BRF1: variants seen among roughly 807,000 people sequenced by gnomAD.
BRF1 encodes BRF1 general transcription factor IIIB subunit, also known as transcription factor IIIB 90 kDa subunit.
In BRF1, 59 loss-of-function variants were observed where a neutral mutation model predicts 81.7. That is an observed-to-expected ratio of 0.72 (90% CI 0.59 to 0.90). BRF1 has a LOEUF of 0.90. BRF1 is among the 40% of genes least tolerant of loss of function. The probability of loss-of-function intolerance (pLI) is 0.00; values close to 1 mark genes in which losing one functional copy is unlikely to be tolerated. For missense variants in BRF1, 1,050 were observed against 936.3 expected (o/e 1.12, Z -1.58); for synonymous variants, 491 against 395.6 (o/e 1.24, Z -2.86).
intron 5 of BRF1, chr14:105,250,791 G>T: frequency 9.2e-7 from 1 of 1,084,332 alleles, no homozygotes; most frequent in Non-Finnish European, 1.3e-6. Flanking sequence ...CATGTAGTCA[G>T]CTGAAGCTTG....
At chr14:105,313,688 T>C (rs1230865011) in intron 1 of BRF1, among the ~76,000 whole-genome samples, 1 of 152,266 alleles carries the variant, frequency 6.6e-6, no homozygotes, top group Non-Finnish European at 1.5e-5. Flanking sequence ...GGGCTGGATT[T>C]GTTTCAGTAA....
chr14:105,260,281 A>T (rs1181104247), intron 3 of BRF1, among the ~76,000 whole-genome samples: 1 of 152,150 alleles, frequency 6.6e-6, no homozygotes, highest in Admixed American at 6.5e-5. Flanking sequence ...TGTGCCAAAA[A>T]ATAAGATGGT....
At position 105,228,852 on chromosome 14, in the gene BRF1, C is replaced by G. The variant is rs752509080; in HGVS notation, c.756G>C (p.Val252=). The change falls in exon 7 of 18, where the codon GTG becomes GTC. Residue 252 remains valine, a synonymous_variant. Transcript: ENST00000547530. ...FRRTVKEVIS[V]VKVCESTLRK... is the part of the protein sequence containing the mutation. ...GCAGCGTGGACTCACACACTTTGAC[C>G]ACACTGATGACCTCCTTCACAGTCC... The G allele has an allele frequency of 2.2e-5, 35 of 1,613,918 alleles. No individual in the cohort carries two copies. The highest frequency in any genetic ancestry group is 3.0e-5 in the Non-Finnish European group (35 of 1,180,010).
intron 4 of BRF1, among the ~76,000 whole-genome samples, chr14:105,254,960 C>A (rs587763099): frequency 6.6e-6 from 1 of 152,308 alleles, no homozygotes; most frequent in East Asian, 1.9e-4. Context: ...TCCTTGAGGG[C>A]AGGTCAGGGT....
At chr14:105,229,584 T>G (rs1281154138) in intron 6 of BRF1, among the ~76,000 whole-genome samples, 2 of 152,184 alleles carry the variant, frequency 1.3e-5, no homozygotes, top group Non-Finnish European at 2.9e-5. Flanking sequence ...AGAGTCTGAG[T>G]GACAGCTGCG....
intron 3 of BRF1, among the ~76,000 whole-genome samples, chr14:105,264,886 T>C (rs937599293): frequency 6.6e-6 from 1 of 151,610 alleles, no homozygotes; most frequent in African/African-American, 2.4e-5. Flanking sequence ...AACACCTGAT[T>C]AGACACAGCA....
Position 105,228,870 on chromosome 14 carries a change from C to A in BRF1, c.738G>T (p.Val246=). 6.2e-7 allele frequency: 1 copy of A among 1,613,886 alleles called. No individual in the cohort carries two copies. The highest frequency in any genetic ancestry group is 8.5e-7 in the Non-Finnish European group (1 of 1,180,018). ...AARMHDFRRT[V]KEVISVVKVC... is the part of the protein sequence containing the mutation. The stretch of plus-strand genomic sequence containing the variant: ...CTTTGACCACACTGATGACCTCCTT[C>A]ACAGTCCTCCTGAAGTCATGCATTC... Residue 246 remains valine, a synonymous_variant, in exon 7 of 18, where the codon GTG becomes GTT. Coordinates refer to ENST00000547530, the MANE Select transcript of BRF1 (RefSeq NM_001519.4).
chr14:105,287,340 C>A (rs771359752), intron 1 of BRF1, among the ~76,000 whole-genome samples: 1 of 152,196 alleles, frequency 6.6e-6, no homozygotes, highest in African/African-American at 2.4e-5. Flanking sequence ...CCAAACGCTG[C>A]GGCCTGATCT....
intron 5 of BRF1, chr14:105,249,907 G>T (rs752956082): frequency 6.2e-7 from 1 of 1,611,168 alleles, no homozygotes; most frequent in Admixed American, 1.7e-5. Flanking sequence ...ACCGGCAGAC[G>T]CTGGAGATCA....
In BRF1 at chr14:105,223,697, G is replaced by A. The variant is rs1179788821; in HGVS notation, c.1049-1783C>T. Among the ~76,000 whole-genome samples the A allele has an allele frequency of 2.0e-5, 3 of 152,212 alleles. No homozygotes were observed. The South Asian group carries it at 6.2e-4, about 31-fold the overall frequency. On this transcript the variant is annotated intron_variant, in intron 10 of 17. Coordinates refer to ENST00000547530, the MANE Select transcript of BRF1 (RefSeq NM_001519.4). ...CCCCGTGGGAGCCACAGATCTGTGG[G>A]TCTTCTTGGTTGTCACTATGGCTTC... is the stretch of plus-strand genomic sequence containing the variant.
In BRF1 at chr14:105,221,771, T is replaced by A. The variant is rs1314234410; in HGVS notation, c.1192A>T (p.Ser398Cys). ...GGAGGTCTGCCGCCCCACTCGGGGC[T>A]TCCTGCTGCTTCCGAGCTGCCGGGG... ...GAPGSSEAAG[S>C]PEWGGRPPAL... The change falls in exon 11 of 18, where the codon AGC becomes TGC. Residue 398 changes from serine (S) to cysteine (C), a missense_variant. Coordinates refer to ENST00000547530, the MANE Select transcript of BRF1 (RefSeq NM_001519.4). 6 of 1,611,644 alleles carry A rather than the reference T, an allele frequency of 3.7e-6. No homozygotes were observed. The highest frequency in any genetic ancestry group is 1.7e-4 in the Middle Eastern group (1 of 5,746).
At chr14:105,217,885 C>G in intron 14 of BRF1, 85 bp from the exon 15 acceptor site, 3 of 1,557,162 alleles carry the variant, frequency 1.9e-6, no homozygotes, top group Non-Finnish European at 2.6e-6. Flanking sequence ...GCCAGGAGTG[C>G]AGGCGGGTGA....
chr14:105,304,905 C>T (rs1314319677), upstream of BRF1, among the ~76,000 whole-genome samples: 1 of 152,212 alleles, frequency 6.6e-6, no homozygotes, highest in Non-Finnish European at 1.5e-5. Context: ...TGATTCAATT[C>T]CCTCCCACCA....
Position 105,228,825 on chromosome 14 carries a change from C to A in BRF1, c.783G>T (p.Arg261=). The A allele has an allele frequency of 1.2e-6, 2 of 1,613,910 alleles. No individual in the cohort carries two copies. Among genetic ancestry groups the A allele is most frequent in the Admixed American group, 1.7e-5 (1 of 60,022 alleles). ...CATGAATGAGAGCCCCTCACCTCTT[C>A]CGCAGCGTGGACTCACACACTTTGA... ...SVVKVCESTL[R]KRLTEFEDTP... is the part of the protein sequence containing the mutation. The change falls in exon 7 of 18, where the codon CGG becomes CGT. Residue 261 remains arginine, a synonymous_variant. Transcript: ENST00000547530.
chr14:105,265,827 C>T (rs893384762), intron 3 of BRF1, among the ~76,000 whole-genome samples: 1 of 146,758 alleles, frequency 6.8e-6, no homozygotes, highest in African/African-American at 2.6e-5. Flanking sequence ...TGTGAACCCG[C>T]GAGGCAGAGC....
At chr14:105,298,763 G>A (rs1282917524) in intron 1 of BRF1, among the ~76,000 whole-genome samples, 1 of 152,078 alleles carries the variant, frequency 6.6e-6, no homozygotes, top group Non-Finnish European at 1.5e-5. Context: ...GCTGAGGCAC[G>A]AGAATCACTT....
At chr14:105,214,807 T>TGATGGTCCCTCCCC (rs1378757640) in intron 15 of BRF1, among the ~76,000 whole-genome samples, 7 of 152,162 alleles carry the variant, frequency 4.6e-5, no homozygotes, top group Non-Finnish European at 1.0e-4. Context: ...AACCCCTCCT[T>TGATGGTCCCTCCCC]GATGGTCCCT....
Position 105,295,116 on chromosome 14 carries a change from C to T in BRF1, c.184+5330G>A, listed in dbSNP as rs78484422. On this transcript the variant is annotated intron_variant, in intron 1 of 17. Transcript: ENST00000547530. ...AGAACCCTGATACCCAAGACAAGGACGTTACAGGAAAAACTACAGGCCAAT... is the reference window on the plus strand; with the variant it reads ...AGAACCCTGATACCCAAGACAAGGATGTTACAGGAAAAACTACAGGCCAAT... Among the ~76,000 whole-genome samples, 1,364 of 152,060 alleles carry T rather than the reference C, an allele frequency of 9.0e-3. 16 individuals are homozygous for T. The highest frequency in any genetic ancestry group is 0.032 in the African/African-American group (1,307 of 41,464).
chr14:105,221,757 G>T lies in BRF1; in HGVS notation c.1206C>A (p.Gly402=), dbSNP rs200689064. Residue 402 remains glycine, a synonymous_variant, in exon 11 of 18, where the codon GGC becomes GGA. Coordinates refer to ENST00000547530, the MANE Select transcript of BRF1 (RefSeq NM_001519.4). ...SSEAAGSPEW[G]GRPPALGSLL... The stretch of plus-strand genomic sequence containing the variant: ...GGGACCCCAGGGCCGGAGGTCTGCC[G>T]CCCCACTCGGGGCTTCCTGCTGCTT... The T allele has an allele frequency of 1.9e-6, 3 of 1,611,044 alleles. No homozygotes were observed. The highest frequency in any genetic ancestry group is 2.5e-6 in the Non-Finnish European group (3 of 1,179,572).
Sources: allele counts gnomAD v4.1 joint callset (sites outside exome capture counted in the v4.1 genomes callset), GRCh38; gene constraint gnomAD v4.1.1; transcripts MANE v1.5; gene names NCBI Gene and HGNC (gene_info 2026-07-23, HGNC 2026-07-21).